The following WDR72 variants were observed in gnomAD, a reference collection of about 807,000 sequenced individuals.
WDR72 encodes the protein WD repeat domain 72.
Under a neutral mutation model 124.2 loss-of-function variants are expected in WDR72, and 120 were observed. That is an observed-to-expected ratio of 0.97 (90% confidence interval 0.83 to 1.12). The LOEUF (loss-of-function observed/expected upper bound fraction) is 1.12, where lower values mean the gene tolerates loss of function less well. WDR72 is among the 50% of genes most tolerant of loss of function. The probability of loss-of-function intolerance (pLI) is 0.00; values close to 1 mark genes in which losing one functional copy is unlikely to be tolerated. For missense variants in WDR72, 1,387 were observed against 1,278.8 expected (o/e 1.08, Z -1.29); for synonymous variants, 452 against 441.7 (o/e 1.02, Z -0.29).
In WDR72 at chr15:53,615,585, T is replaced by C; in HGVS notation, c.2621A>G (p.Tyr874Cys). 6.2e-7 allele frequency: 1 copy of C among 1,613,098 alleles called. No individual in the cohort carries two copies. The highest frequency in any genetic ancestry group is 1.3e-5 in the African/African-American group (1 of 74,990). Reference sequence around the variant, plus strand: ...AACCTGATTTGGAAGAGTGGCTGTGTATTTATCTGACAAGTCCAAAACTTT... The same window carrying C: ...AACCTGATTTGGAAGAGTGGCTGTGCATTTATCTGACAAGTCCAAAACTTT... ...SRKVLDLSDKYTATLPNQVGI... is the reference protein window; with the variant it reads ...SRKVLDLSDKCTATLPNQVGI... The change falls in exon 15 of 20, where the codon TAC (tyrosine) becomes TGC (cysteine). Residue 874 changes from tyrosine (Y) to cysteine (C), a missense_variant. Coordinates refer to ENST00000360509, the MANE Select transcript of WDR72 (RefSeq NM_182758.4).
chr15:53,592,113 G>A (rs544742225), intron 18 of WDR72, among the ~76,000 whole-genome samples: 1 of 152,066 alleles, frequency 6.6e-6, no homozygotes, highest in Non-Finnish European at 1.5e-5. Flanking sequence ...TACACTTTGT[G>A]CCACTAGTGT....
At chr15:53,696,197 G>C (rs1402823673) in intron 13 of WDR72, among the ~76,000 whole-genome samples, 5 of 152,180 alleles carry the variant, frequency 3.3e-5, no homozygotes, top group Non-Finnish European at 5.9e-5. Flanking sequence ...CTGGAGAAAT[G>C]AAAGTAGGAA....
intron 14 of WDR72, among the ~76,000 whole-genome samples, chr15:53,664,629 A>T (rs2015716156): frequency 6.6e-6 from 1 of 151,566 alleles, no homozygotes; most frequent in South Asian, 2.1e-4. Flanking sequence ...AAGATGAACA[A>T]TATGTAATTA....
rs1261179773 is a variant in WDR72, at chr15:53,514,626, A to G, written c.*3073T>C. On this transcript the variant is annotated 3_prime_UTR_variant, in exon 20 of 20. Transcript: ENST00000360509. Reference sequence around the variant, plus strand: ...TGTATTCTACCATTTTTCTAATACCATCATGTTCAAAGCAGCCTTAATTTA... The same window carrying G: ...TGTATTCTACCATTTTTCTAATACCGTCATGTTCAAAGCAGCCTTAATTTA... 1 of 152,204 alleles carries G rather than the reference A, an allele frequency of 6.6e-6. No individual in the cohort carries two copies. Among genetic ancestry groups the G allele is most frequent in the African/African-American group, 2.4e-5 (1 of 41,458 alleles). The allele number at this position is 152,204 out of a possible 1,614,324, so 9.4% of individuals were successfully genotyped here.
intron 18 of WDR72, among the ~76,000 whole-genome samples, chr15:53,548,051 C>T: frequency 6.6e-6 from 1 of 152,158 alleles, no homozygotes; most frequent in East Asian, 1.9e-4. Flanking sequence ...ATTTGTCTGC[C>T]ATATAAGTCT....
chr15:53,656,266 TAA>T (rs2015417103), intron 14 of WDR72, among the ~76,000 whole-genome samples: 1 of 151,950 alleles, frequency 6.6e-6, no homozygotes, highest in Non-Finnish European at 1.5e-5. Context: ...AAATTACAAA[TAA>T]ATAAACGTCA....
chr15:53,747,672 G>T (rs886894739), intron 1 of WDR72, among the ~76,000 whole-genome samples: 3 of 152,174 alleles, frequency 2.0e-5, no homozygotes, highest in Non-Finnish European at 4.4e-5. Context: ...TTTTCACAGA[G>T]TATTGCCTTC....
intron 6 of WDR72, among the ~76,000 whole-genome samples, chr15:53,713,603 A>G (rs772148418): frequency 4.0e-5 from 6 of 151,032 alleles, no homozygotes; most frequent in Non-Finnish European, 8.9e-5. Context: ...GGTGCACTCC[A>G]CCACTCCCTG....
At chr15:53,592,360 C>T (rs1193320864) in intron 18 of WDR72, among the ~76,000 whole-genome samples, 1 of 152,004 alleles carries the variant, frequency 6.6e-6, no homozygotes, top group Non-Finnish European at 1.5e-5. Flanking sequence ...GGAAGAGTTT[C>T]CCTGTAGGGT....
intron 18 of WDR72, among the ~76,000 whole-genome samples, chr15:53,555,539 T>C (rs1054608670): frequency 2.6e-5 from 4 of 152,054 alleles, no homozygotes; most frequent in Non-Finnish European, 5.9e-5. Context: ...CACTTTTATC[T>C]CTCGTCCTTC....
At position 53,731,377 on chromosome 15, in the gene WDR72, C is replaced by G. The variant is rs7179406; in HGVS notation, c.153+1620G>C. Among the ~76,000 whole-genome samples, 86 of 152,034 alleles carry G rather than the reference C, an allele frequency of 5.7e-4. 1 individual carries two copies. Among genetic ancestry groups the G allele is most frequent in the African/African-American group, 2.0e-3 (81 of 41,482 alleles). ...TCACCAATCTAATTCCTATTCCCAG[C>G]CCATATCTCTATCCCTGGATTTCTC... On this transcript the variant is annotated intron_variant, in intron 2 of 19. Transcript: ENST00000360509.
At chr15:53,736,138 G>A (rs1029050609) in intron 1 of WDR72, among the ~76,000 whole-genome samples, 2 of 152,066 alleles carry the variant, frequency 1.3e-5, no homozygotes, top group Non-Finnish European at 2.9e-5. Flanking sequence ...TAAGTGAAAA[G>A]ACCCAATATT....
chr15:53,530,645 C>A (rs886243814), intron 18 of WDR72, among the ~76,000 whole-genome samples: 4 of 151,976 alleles, frequency 2.6e-5, no homozygotes, highest in Non-Finnish European at 5.9e-5. Context: ...TAGTAAACTT[C>A]CCAGCTTGTA....
intron 9 of WDR72, among the ~76,000 whole-genome samples, chr15:53,709,139 G>A (rs2017465016): frequency 6.6e-6 from 1 of 152,102 alleles, no homozygotes; most frequent in Non-Finnish European, 1.5e-5. Context: ...CTACCACAAT[G>A]CCTTCATTAC....
chr15:53,708,996 G>T (rs1251223878), intron 9 of WDR72, among the ~76,000 whole-genome samples: 2 of 152,146 alleles, frequency 1.3e-5, no homozygotes, highest in African/African-American at 4.8e-5. Context: ...AACAATAACT[G>T]AGAACCTGTT....
chr15:53,616,268 T>C (rs2013764334), intron 14 of WDR72, 25 bp from the exon 15 acceptor site: 1 of 1,563,464 alleles, frequency 6.4e-7, no homozygotes, highest in African/African-American at 1.3e-5. Flanking sequence ...AATATTTGTG[T>C]CAAAGTTCTT....
chr15:53,622,623 TGAG>T (rs954938539), intron 14 of WDR72, among the ~76,000 whole-genome samples: 1 of 151,668 alleles, frequency 6.6e-6, no homozygotes, highest in African/African-American at 2.4e-5. Context: ...GGGGGCAGTC[TGAG>T]GAGGGAGCAG....
At chr15:53,695,265 C>A (rs1465887634) in intron 13 of WDR72, among the ~76,000 whole-genome samples, 1 of 152,166 alleles carries the variant, frequency 6.6e-6, no homozygotes, top group Non-Finnish European at 1.5e-5. Context: ...ATTCATTACA[C>A]AAATTATCTG....
At chr15:53,739,962 T>C (rs1284847315) in intron 1 of WDR72, among the ~76,000 whole-genome samples, 2 of 152,156 alleles carry the variant, frequency 1.3e-5, no homozygotes, top group Non-Finnish European at 2.9e-5. Context: ...AGTAGAACAG[T>C]AGGAGAAGGA....
Sources: gnomAD v4.1 joint callset for allele counts (sites outside exome capture counted in the v4.1 genomes callset) on GRCh38, gnomAD v4.1.1 for gene constraint, MANE v1.5 for transcripts, NCBI Gene and HGNC (gene_info 2026-07-23, HGNC 2026-07-21) for gene names.